CORO2B: variants seen among roughly 807,000 people sequenced by gnomAD.
CORO2B encodes the protein coronin 2B, also known as coronin-2B.
In CORO2B, 26 loss-of-function variants were observed where a neutral mutation model predicts 58.8. That is an observed-to-expected ratio of 0.44 (90% CI 0.32 to 0.61). The LOEUF (loss-of-function observed/expected upper bound fraction) is 0.61. Ranked by LOEUF, CORO2B falls within the 20% of genes least tolerant of loss-of-function variation. The probability of loss-of-function intolerance (pLI) is 0.04; values close to 1 mark genes in which losing one functional copy is unlikely to be tolerated. For missense variants in CORO2B, 460 were observed against 645.1 expected, an observed-to-expected ratio of 0.71 and a Z score of 3.11; for synonymous variants, 242 against 253.8, an observed-to-expected ratio of 0.95 and a Z score of 0.44.
chr15:68,551,790 C>T, the CORO2B span, among the ~76,000 whole-genome samples: 1 of 152,176 alleles, frequency 6.6e-6, no homozygotes, highest in Non-Finnish European at 1.5e-5. Flanking sequence ...TTTATAATGA[C>T]AAATTAATAC....
At chr15:68,602,150 C>T (rs1484565294) in intron 1 of CORO2B, among the ~76,000 whole-genome samples, 1 of 151,908 alleles carries the variant, frequency 6.6e-6, no homozygotes, top group Non-Finnish European at 1.5e-5. Flanking sequence ...ACATTCAAAT[C>T]ACAGCAGCCA....
intron 2 of CORO2B, among the ~76,000 whole-genome samples, chr15:68,681,503 G>T (rs1324862384): frequency 2.0e-5 from 3 of 152,080 alleles, no homozygotes; most frequent in African/African-American, 7.2e-5. Context: ...TCTGGGAAAA[G>T]GTGGTCATCC....
intron 2 of CORO2B, among the ~76,000 whole-genome samples, chr15:68,648,902 C>T (rs768273711): frequency 6.6e-6 from 1 of 152,188 alleles, no homozygotes; most frequent in Non-Finnish European, 1.5e-5. Flanking sequence ...AGCAATTCCA[C>T]TCTAGGAATT....
intron 1 of CORO2B, chr15:68,641,470 G>C (rs1901224705): frequency 2.2e-6 from 2 of 929,448 alleles, no homozygotes; most frequent in Non-Finnish European, 2.6e-6. Context: ...GAGAGTGGGA[G>C]GAAGCAGAAG....
intron 3 of CORO2B, among the ~76,000 whole-genome samples, chr15:68,698,889 C>T (rs536713683): frequency 3.3e-5 from 5 of 152,196 alleles, no homozygotes; most frequent in South Asian, 2.1e-4. Context: ...CCCACCAAAA[C>T]GTGGTGCAGA....
At position 68,579,054 on chromosome 15, in the gene CORO2B, TG is replaced by T; in HGVS notation, c.-208del. 9.1e-6 allele frequency: 9 copies of T among 983,964 alleles called. No individual in the cohort carries two copies. Among genetic ancestry groups the T allele is most frequent in the Non-Finnish European group, 1.1e-5 (9 of 829,532 alleles). 61.0% of individuals were successfully genotyped at this position (983,964 alleles called of 1,614,324 possible). On this transcript the variant is annotated 5_prime_UTR_variant, in exon 1 of 12. The change abolishes the stop of an existing upstream ORF in the 5' untranslated region. Coordinates refer to ENST00000261861, the MANE Select transcript of CORO2B (RefSeq NM_006091.5). ...TCTATTATAAATGCACATTCGGGGC[TG>T]ACATCAGCGACGAGCGGCGGGCGAG...
intron 2 of CORO2B, among the ~76,000 whole-genome samples, chr15:68,677,571 G>T (rs909795951): frequency 2.6e-5 from 4 of 152,340 alleles, no homozygotes; most frequent in East Asian, 3.9e-4. Context: ...GGTTTTCAGG[G>T]ATTTGCTTGG....
chr15:68,686,023 T>G (rs1902960557), intron 2 of CORO2B, among the ~76,000 whole-genome samples: 1 of 12,264 alleles, frequency 8.2e-5, no homozygotes, highest in South Asian at 0.024. Flanking sequence ...TACTTCTGTT[T>G]TTTTTTTTTT....
At chr15:68,607,631 G>A (rs1341172355) in intron 1 of CORO2B, among the ~76,000 whole-genome samples, 2 of 152,066 alleles carry the variant, frequency 1.3e-5, no homozygotes, top group Non-Finnish European at 2.9e-5. Flanking sequence ...CAGCCTGGGT[G>A]ACATAGCGAG....
the CORO2B span, among the ~76,000 whole-genome samples, chr15:68,555,906 G>A: frequency 2.0e-5 from 3 of 152,212 alleles, no homozygotes; most frequent in African/African-American, 7.2e-5. Flanking sequence ...GGCCACAGAC[G>A]GCCATCTGGC....
At chr15:68,693,858 CAG>C (rs1213240168) in intron 2 of CORO2B, among the ~76,000 whole-genome samples, 2 of 151,590 alleles carry the variant, frequency 1.3e-5, no homozygotes, top group South Asian at 2.1e-4. Flanking sequence ...TGTTTTGAGA[CAG>C]AGTCTTGCTC....
chr15:68,605,711 GTT>G (rs35340917), intron 1 of CORO2B, among the ~76,000 whole-genome samples: 5 of 99,140 alleles, frequency 5.0e-5, no homozygotes, highest in Non-Finnish European at 7.6e-5. Flanking sequence ...GGGCTCTTGG[GTT>G]TTTTTTTTTT....
At chr15:68,595,883 C>T (rs953875411) in intron 1 of CORO2B, among the ~76,000 whole-genome samples, 3 of 152,098 alleles carry the variant, frequency 2.0e-5, no homozygotes, top group East Asian at 1.9e-4. Flanking sequence ...ACGGAGCGGG[C>T]GTCTGGGAGG....
the CORO2B span, among the ~76,000 whole-genome samples, chr15:68,545,383 C>T: frequency 0.76 from 115,078 of 152,142 alleles, 43,799 homozygotes; most frequent in East Asian, 0.96. Context: ...ATACTCTACC[C>T]CTCCCCCAGC....
chr15:68,585,280 G>A (rs567526852), intron 1 of CORO2B, among the ~76,000 whole-genome samples: 3 of 152,284 alleles, frequency 2.0e-5, no homozygotes, highest in African/African-American at 4.8e-5. Context: ...GGTCAGAGGC[G>A]GGATGCACGC....
At chr15:68,627,710 G>A (rs1900722706) in intron 1 of CORO2B, among the ~76,000 whole-genome samples, 2 of 152,078 alleles carry the variant, frequency 1.3e-5, no homozygotes, top group African/African-American at 2.4e-5. Flanking sequence ...CTCTATGATT[G>A]TATTAGGTGA....
At chr15:68,677,578 T>A (rs939886254) in intron 2 of CORO2B, among the ~76,000 whole-genome samples, 1 of 152,172 alleles carries the variant, frequency 6.6e-6, no homozygotes, top group Non-Finnish European at 1.5e-5. Flanking sequence ...AGGGATTTGC[T>A]TGGAGAGGCA....
At chr15:68,545,618 G>GGGT in the CORO2B span, among the ~76,000 whole-genome samples, 2 of 149,746 alleles carry the variant, frequency 1.3e-5, no homozygotes, top group African/African-American at 2.5e-5. Flanking sequence ...GGGGCGGGGG[G>GGGT]GGTAATACTG....
chr15:68,603,183 C>T lies in CORO2B; in HGVS notation c.15+23906C>T, dbSNP rs73442220. Among the ~76,000 whole-genome samples the T allele has an allele frequency of 1.7e-3, 266 of 152,198 alleles. 1 individual carries two copies. The highest frequency in any genetic ancestry group is 6.1e-3 in the African/African-American group (253 of 41,500). ...GCAGAATTGTCCACTGTGTCTTACA[C>T]GCCATGGAAGTCCCAGGGCTAACAC... On this transcript the variant is annotated intron_variant, in intron 1 of 11. Transcript: ENST00000261861.
Sources: gnomAD v4.1 joint callset for allele counts (sites outside exome capture counted in the v4.1 genomes callset) on GRCh38, gnomAD v4.1.1 for gene constraint, MANE v1.5 for transcripts, NCBI Gene and HGNC (gene_info 2026-07-23, HGNC 2026-07-21) for gene names.